PLSCR4: variants seen among roughly 807,000 people sequenced by gnomAD.
The protein encoded by PLSCR4 is phospholipid scramblase 4, also known as Ca(2+)-dependent phospholipid scramblase 4.
In PLSCR4, 25 loss-of-function variants were observed where a neutral mutation model predicts 36.3. The observed-to-expected ratio is 0.69, with a 90% CI of 0.50 to 0.96. The LOEUF is 0.96. PLSCR4 is among the 40% of genes least tolerant of loss of function. PLSCR4 has a pLI of 0.00. For missense variants in PLSCR4, 408 were observed against 414.7 expected, an observed-to-expected ratio of 0.98 and a Z score of 0.14; for synonymous variants, 122 against 132.9, an observed-to-expected ratio of 0.92 and a Z score of 0.56.
intron 1 of PLSCR4, among the ~76,000 whole-genome samples, chr3:146,225,861 G>A (rs1458512844): frequency 6.6e-6 from 1 of 152,180 alleles, no homozygotes; most frequent in Admixed American, 6.5e-5. Flanking sequence ...GGCCAGCCCA[G>A]AAAGGGGCTC....
At chr3:146,246,309 T>C (rs912505628) in intron 1 of PLSCR4, among the ~76,000 whole-genome samples, 26 of 152,092 alleles carry the variant, frequency 1.7e-4, no homozygotes, top group Admixed American at 1.5e-3. Flanking sequence ...TTTTATTGTG[T>C]TGTTTTTATA....
rs141521047 is a variant in PLSCR4 at position 146,211,842 on chromosome 3, T to G, written c.119-5081A>C. ...CCCTATTGAATTATTTTGACATGCT[T>G]GTAAAAAATCAGTTGGCTACAGATG... On this transcript the variant is annotated intron_variant, in intron 3 of 8. Transcript: ENST00000354952. 1.8e-3 allele frequency among the ~76,000 whole-genome samples: 269 copies of G among 152,268 alleles called. 1 individual carries two copies. Among genetic ancestry groups the G allele is most frequent in the African/African-American group, 6.2e-3 (257 of 41,576 alleles).
chr3:146,233,329 A>T (rs1032722669), intron 1 of PLSCR4, among the ~76,000 whole-genome samples: 1 of 152,132 alleles, frequency 6.6e-6, no homozygotes, highest in Admixed American at 6.6e-5. Context: ...TTAACATATC[A>T]CCAAACCACA....
intron 1 of PLSCR4, among the ~76,000 whole-genome samples, chr3:146,231,838 C>T (rs981385822): frequency 1.3e-5 from 2 of 152,020 alleles, no homozygotes; most frequent in African/African-American, 4.8e-5. Context: ...TTCTTTTACT[C>T]TGTAAAAGCT....
At chr3:146,219,335 G>A (rs183088995) in intron 3 of PLSCR4, among the ~76,000 whole-genome samples, 1 of 152,224 alleles carries the variant, frequency 6.6e-6, no homozygotes, top group East Asian at 1.9e-4. Context: ...TAGGTTTTTG[G>A]ATATAGAGTA....
At chr3:146,222,140 T>C (rs1461663600) in intron 1 of PLSCR4, 48 bp from the exon 2 acceptor site, 3 of 666,480 alleles carry the variant, frequency 4.5e-6, no homozygotes, top group East Asian at 3.4e-5. Context: ...ACATAATAAA[T>C]AGTATTGCTA....
At position 146,206,569 on chromosome 3, in the gene PLSCR4, G is replaced by C. The variant is rs1165749153; in HGVS notation, c.311C>G (p.Thr104Ser). The C allele has an allele frequency of 1.9e-6, 3 of 1,613,402 alleles. No individual in the cohort carries two copies. The African/African-American group carries it at 4.0e-5, about 22-fold the overall frequency. ...ACCAGGAGGGCAGTTTGCCATAGGAGTTGGCCCTGGCATCCATGTTATTGG... is the reference window on the plus strand; with the variant it reads ...ACCAGGAGGGCAGTTTGCCATAGGACTTGGCCCTGGCATCCATGTTATTGG... Reference protein sequence around the residue: ...SVPITWMPGPTPMANCPPGLE... With the variant: ...SVPITWMPGPSPMANCPPGLE... Residue 104 changes from threonine (T) to serine (S), a missense_variant, in exon 4 of 9, where the codon ACT becomes AGT. Transcript: ENST00000354952.
Position 146,194,498 on chromosome 3 carries a change from AGGTATAATGCATGC to A in PLSCR4, c.946-57_946-44del, listed in dbSNP as rs1180048938. ...ATTATATGTAGATATATAGATAATT[AGGTATAATGCATGC>A]GGTATTATCCTTTGTAATTTATTAG... On this transcript the variant is annotated intron_variant, in intron 8 of 8. Transcript: ENST00000354952. 2.6e-6 allele frequency: 3 copies of A among 1,159,840 alleles called. No homozygotes were observed. In the South Asian group the frequency reaches 3.7e-5, roughly 14 times the overall value. 71.8% of individuals were successfully genotyped at this position (1,159,840 alleles called of 1,614,324 possible).
chr3:146,198,938 AC>A (rs1462837437), intron 6 of PLSCR4, among the ~76,000 whole-genome samples: 1 of 152,136 alleles, frequency 6.6e-6, no homozygotes, highest in Non-Finnish European at 1.5e-5. Context: ...TGAGTACTAT[AC>A]TATTTGCTAG....
At chr3:146,223,777 G>C (rs2035289178) in intron 1 of PLSCR4, 1 of 149,704 alleles carries the variant, frequency 6.7e-6, no homozygotes, top group Admixed American at 6.7e-5. Context: ...GTGTCTCCAA[G>C]CTTAAAAAAT....
intron 3 of PLSCR4, among the ~76,000 whole-genome samples, chr3:146,219,609 T>C (rs768970156): frequency 2.0e-5 from 3 of 151,978 alleles, no homozygotes; most frequent in Non-Finnish European, 4.4e-5. Flanking sequence ...GTATGGATCA[T>C]ATGCCTAGAG....
intron 3 of PLSCR4, among the ~76,000 whole-genome samples, chr3:146,219,308 T>G (rs755919012): frequency 6.6e-6 from 1 of 152,208 alleles, no homozygotes; most frequent in Non-Finnish European, 1.5e-5. Context: ...TGGTGAAGTT[T>G]CTGTTCTAGT....
chr3:146,249,625 TATAAA>T (rs887522692), intron 1 of PLSCR4, among the ~76,000 whole-genome samples: 4 of 150,286 alleles, frequency 2.7e-5, no homozygotes, highest in South Asian at 2.1e-4. Flanking sequence ...ATATATAATA[TATAAA>T]ATAAGACATA....
At chr3:146,225,884 G>A (rs2035452334) in intron 1 of PLSCR4, among the ~76,000 whole-genome samples, 1 of 152,200 alleles carries the variant, frequency 6.6e-6, no homozygotes, top group Non-Finnish European at 1.5e-5. Context: ...ACAGTGCAGT[G>A]GTGGGCTGAA....
chr3:146,219,538 G>A (rs1207041586), intron 3 of PLSCR4, among the ~76,000 whole-genome samples: 1 of 152,084 alleles, frequency 6.6e-6, no homozygotes, highest in Non-Finnish European at 1.5e-5. Context: ...ACATTAGGAA[G>A]AGAAAAAAGG....
intron 3 of PLSCR4, among the ~76,000 whole-genome samples, chr3:146,216,682 G>C (rs552082155): frequency 1.3e-5 from 2 of 152,080 alleles, no homozygotes; most frequent in South Asian, 4.2e-4. Context: ...CTGCAGAAAC[G>C]TCCTTAAATA....
chr3:146,215,291 G>C (rs775402873), intron 3 of PLSCR4, among the ~76,000 whole-genome samples: 1 of 151,682 alleles, frequency 6.6e-6, no homozygotes, highest in Non-Finnish European at 1.5e-5. Context: ...GGTGAAACTC[G>C]TGTTACTTAT....
At chr3:146,221,903 A>T (rs2035162777) in intron 2 of PLSCR4, among the ~76,000 whole-genome samples, 162 bp downstream of exon 2, 1 of 151,986 alleles carries the variant, frequency 6.6e-6, no homozygotes. Context: ...TACATAAATA[A>T]CAAATATATA....
At chr3:146,244,628 G>C (rs545720115) in intron 1 of PLSCR4, among the ~76,000 whole-genome samples, 1 of 152,110 alleles carries the variant, frequency 6.6e-6, no homozygotes, top group Admixed American at 6.5e-5. Context: ...GGTGAACTTA[G>C]TAAGTGTTGT....
Sources: gnomAD v4.1 joint callset for allele counts (sites outside exome capture counted in the v4.1 genomes callset) on GRCh38, gnomAD v4.1.1 for gene constraint, MANE v1.5 for transcripts, NCBI Gene and HGNC (gene_info 2026-07-23, HGNC 2026-07-21) for gene names.